CDH19: variants seen among roughly 807,000 people sequenced by gnomAD.
CDH19 encodes cadherin 19.
Under a neutral mutation model 64.2 loss-of-function variants are expected in CDH19, and 67 were observed. That is an observed-to-expected ratio of 1.04 (90% CI 0.86 to 1.28). The LOEUF (loss-of-function observed/expected upper bound fraction) is 1.28, where lower values mean the gene tolerates loss of function less well. Ranked by LOEUF, CDH19 falls within the 50% of genes most tolerant of loss-of-function variation. CDH19 has a pLI of 0.00. For synonymous variants in CDH19, 346 were observed against 319.3 expected (o/e 1.08, Z -0.89); for missense variants, 1,030 against 929.0 (o/e 1.11, Z -1.41).
chr18:66,507,123 T>C (rs947879278), intron 11 of CDH19, among the ~76,000 whole-genome samples: 12 of 151,984 alleles, frequency 7.9e-5, no homozygotes, highest in Admixed American at 5.3e-4. Flanking sequence ...TAAGTCTGTA[T>C]CTATAGGTAG....
chr18:66,529,923 A>G lies in CDH19; in HGVS notation c.1380T>C (p.Val460=). The change falls in exon 9 of 12, where the codon GTT becomes GTC. Residue 460 remains valine, a synonymous_variant. Transcript: ENST00000262150. ...CAGGAGCATGATCATTGATGTTAAG[A>G]ACTTGCACATACAGTGGGATCGAAG... ...QISSIPLYVQ[V]LNINDHAPEF... The G allele has an allele frequency of 6.3e-7, 1 of 1,577,368 alleles. No homozygotes were observed. The highest frequency in any genetic ancestry group is 8.7e-7 in the Non-Finnish European group (1 of 1,152,850).
Position 66,514,926 on chromosome 18 carries a change from T to G in CDH19, c.1459-3241A>C, listed in dbSNP as rs561148660. ...AAATATTTGGAGCAAGCAATACATTTGTGTCTGTTTCCTTACCTTCATGGC... is the reference window on the plus strand; with the variant it reads ...AAATATTTGGAGCAAGCAATACATTGGTGTCTGTTTCCTTACCTTCATGGC... On this transcript the variant is annotated intron_variant, in intron 9 of 11. Coordinates refer to ENST00000262150, the MANE Select transcript of CDH19 (RefSeq NM_021153.4). 2.6e-5 allele frequency among the ~76,000 whole-genome samples: 4 copies of G among 151,800 alleles called. No individual in the cohort carries two copies. In the East Asian group the frequency reaches 7.7e-4, roughly 29 times the overall value.
intron 1 of CDH19, among the ~76,000 whole-genome samples, chr18:66,574,465 C>T (rs761317816): frequency 4.0e-5 from 6 of 151,006 alleles, no homozygotes; most frequent in African/African-American, 7.3e-5. Context: ...TGATGAAATA[C>T]ACTGCATATG....
chr18:66,543,507 G>A (rs931849442), intron 7 of CDH19, among the ~76,000 whole-genome samples: 1 of 152,012 alleles, frequency 6.6e-6, no homozygotes, highest in Non-Finnish European at 1.5e-5. Context: ...CATCTTAACC[G>A]ACACTGAGGT....
chr18:66,569,715 T>A (rs1297352312), intron 2 of CDH19, among the ~76,000 whole-genome samples: 1 of 151,710 alleles, frequency 6.6e-6, no homozygotes, highest in Non-Finnish European at 1.5e-5. Flanking sequence ...GAATTATTTG[T>A]ATGTAAGAGA....
intron 9 of CDH19, among the ~76,000 whole-genome samples, chr18:66,515,065 A>C (rs532594258): frequency 1.3e-5 from 2 of 151,814 alleles, no homozygotes; most frequent in East Asian, 3.9e-4. Flanking sequence ...CTGAGTATTA[A>C]TTTATATAAC....
At chr18:66,527,180 GT>G (rs961746295) in intron 9 of CDH19, among the ~76,000 whole-genome samples, 1 of 151,294 alleles carries the variant, frequency 6.6e-6, no homozygotes, top group African/African-American at 2.4e-5. Context: ...TATATATTAA[GT>G]TTTTTAGTAT....
In CDH19 at chr18:66,502,901, A is replaced by G. The variant is rs1985007411; in HGVS notation, c.*1911T>C. 2 of 151,920 alleles carry G rather than the reference A, an allele frequency of 1.3e-5. No individual in the cohort carries two copies. Among genetic ancestry groups the G allele is most frequent in the Admixed American group, 1.3e-4 (2 of 15,202 alleles). The allele number at this position is 151,920 out of a possible 1,614,324, so 9.4% of individuals were successfully genotyped here. On this transcript the variant is annotated 3_prime_UTR_variant, in exon 12 of 12. Transcript: ENST00000262150. The stretch of plus-strand genomic sequence containing the variant: ...TGAAATGATAATATTTGTGTCACCA[A>G]TTTAATGGTGCCTGTTTCAGATTGA...
At chr18:66,529,511 G>C (rs968102186) in intron 9 of CDH19, among the ~76,000 whole-genome samples, 5 of 150,376 alleles carry the variant, frequency 3.3e-5, no homozygotes, top group Non-Finnish European at 7.4e-5. Flanking sequence ...AAATTTGCAT[G>C]CTTTTAAAAA....
Position 66,565,684 on chromosome 18 carries a change from T to C in CDH19, c.490+2732A>G, listed in dbSNP as rs368202787. Among the ~76,000 whole-genome samples, 11 of 151,988 alleles carry C rather than the reference T, an allele frequency of 7.2e-5. No homozygotes were observed. The East Asian group carries it at 1.2e-3, about 16-fold the overall frequency. On this transcript the variant is annotated intron_variant, in intron 3 of 11. Transcript: ENST00000262150. ...CATATAATTTTATTAATTGATTTAT[T>C]TACTTCACAGTCAACACAAATGCAG... is the stretch of plus-strand genomic sequence containing the variant.
rs1988131736 is a variant in CDH19, at chr18:66,572,257, A to G, written c.-53T>C. On this transcript the variant is annotated 5_prime_UTR_variant, in exon 2 of 12. Transcript: ENST00000262150. ...TACTCTTCAGAGGAAACAGGACGTC[A>G]CTAACAAAAATCTTGCTTTCTTTTA... 1 of 1,406,946 alleles carries G rather than the reference A, an allele frequency of 7.1e-7. No individual in the cohort carries two copies. Among genetic ancestry groups the G allele is most frequent in the African/African-American group, 1.4e-5 (1 of 69,888 alleles). The allele number at this position is 1,406,946 out of a possible 1,614,324, so 87.2% of individuals were successfully genotyped here. A position where few individuals can be genotyped will look rare whatever the true frequency, so the allele number is the denominator to read the frequency against.
intron 3 of CDH19, among the ~76,000 whole-genome samples, chr18:66,561,038 G>A (rs1409334852): frequency 7.9e-5 from 12 of 151,954 alleles, no homozygotes; most frequent in Non-Finnish European, 1.8e-4. Context: ...ATCATTTAAT[G>A]AGTTTCTTAG....
intron 2 of CDH19, among the ~76,000 whole-genome samples, chr18:66,571,385 C>T (rs1346514842): frequency 1.3e-5 from 2 of 151,462 alleles, no homozygotes; most frequent in Non-Finnish European, 3.0e-5. Context: ...AGAGAAAAAG[C>T]CTTATGGAAA....
intron 1 of CDH19, among the ~76,000 whole-genome samples, chr18:66,603,227 ATTAG>A (rs1401423109): frequency 4.6e-5 from 7 of 150,666 alleles, no homozygotes; most frequent in Admixed American, 2.0e-4. Context: ...TTTTATTATA[ATTAG>A]TTATTCAATT....
At chr18:66,582,570 T>C (rs1323600118) in intron 1 of CDH19, among the ~76,000 whole-genome samples, 1 of 148,022 alleles carries the variant, frequency 6.8e-6, no homozygotes, top group African/African-American at 2.5e-5. Context: ...AGCACTAAAA[T>C]GTGAAAGATC....
intron 9 of CDH19, among the ~76,000 whole-genome samples, chr18:66,520,115 G>T (rs1985915456): frequency 6.6e-6 from 1 of 152,202 alleles, no homozygotes; most frequent in Admixed American, 6.5e-5. Flanking sequence ...AACTCGGGAG[G>T]CAGAGGTTGC....
At chr18:66,535,139 T>C (rs768994771) in intron 7 of CDH19, 32 bp from the exon 8 acceptor site, 17 of 1,348,210 alleles carry the variant, frequency 1.3e-5, no homozygotes, top group Non-Finnish European at 1.6e-5. Flanking sequence ...CCTTAATATT[T>C]TTATTCTATC....
intron 3 of CDH19, among the ~76,000 whole-genome samples, chr18:66,556,893 A>G (rs975558948): frequency 6.6e-6 from 1 of 151,966 alleles, no homozygotes; most frequent in East Asian, 1.9e-4. Flanking sequence ...TAGGATGTCT[A>G]TTATTAAAAA....
At chr18:66,570,657 T>G (rs1988072036) in intron 2 of CDH19, among the ~76,000 whole-genome samples, 1 of 151,728 alleles carries the variant, frequency 6.6e-6, no homozygotes, top group Admixed American at 6.6e-5. Context: ...CACTTGTTTT[T>G]TAAGCCTGAT....
Sources: allele counts gnomAD v4.1 joint callset (sites outside exome capture counted in the v4.1 genomes callset), GRCh38; gene constraint gnomAD v4.1.1; transcripts MANE v1.5; gene names NCBI Gene and HGNC (gene_info 2026-07-23, HGNC 2026-07-21).